NPTXR: variants seen among roughly 807,000 people sequenced by gnomAD.
NPTXR encodes neuronal pentraxin receptor.
In NPTXR, 12 loss-of-function variants were observed where a neutral mutation model predicts 32.2. The observed-to-expected ratio is 0.37, with a 90% CI of 0.24 to 0.60. NPTXR has a LOEUF of 0.60. Ranked by LOEUF, NPTXR falls within the 20% of genes least tolerant of loss-of-function variation. The probability of loss-of-function intolerance (pLI) is 0.66; values close to 1 mark genes in which losing one functional copy is unlikely to be tolerated. For synonymous variants in NPTXR, 323 were observed against 315.8 expected, an observed-to-expected ratio of 1.02 and a Z score of -0.24; for missense variants, 612 against 682.9, an observed-to-expected ratio of 0.90 and a Z score of 1.16.
intron 1 of NPTXR, among the ~76,000 whole-genome samples, chr22:38,840,637 G>A (rs5750687): frequency 0.4 from 60,933 of 151,814 alleles, 12,496 homozygotes; most frequent in East Asian, 0.66. Context: ...GGGGGCTGAT[G>A]GGACAACCAG....
In NPTXR at chr22:38,820,175, C is replaced by T. The variant is rs568781816; in HGVS notation, c.*2434G>A. ...GTGCCAGTATGATGAGACACTTGAC[C>T]CAGCACTTGGGTTGATGTCTTTGGC... On this transcript the variant is annotated 3_prime_UTR_variant, in exon 5 of 5. Coordinates refer to ENST00000333039, the MANE Select transcript of NPTXR (RefSeq NM_014293.4). The T allele has an allele frequency of 6.5e-6, 1 of 152,744 alleles. No individual in the cohort carries two copies. The highest frequency in any genetic ancestry group is 6.5e-5 in the Admixed American group (1 of 15,302). The allele number at this position is 152,744 out of a possible 1,614,324, so 9.5% of individuals were successfully genotyped here. A position where few individuals can be genotyped will look rare whatever the true frequency, so the allele number is the denominator to read the frequency against.
At chr22:38,828,948 G>A (rs893944518) in intron 1 of NPTXR, among the ~76,000 whole-genome samples, 9 of 152,240 alleles carry the variant, frequency 5.9e-5, no homozygotes, top group Non-Finnish European at 8.8e-5. Flanking sequence ...TCTCTAGAAC[G>A]GTCCTTGGCA....
intron 1 of NPTXR, among the ~76,000 whole-genome samples, chr22:38,836,418 G>A (rs2093124029): frequency 6.6e-6 from 1 of 152,224 alleles, no homozygotes. Flanking sequence ...ACACCACACG[G>A]CAATGAAAAC....
chr22:38,842,450 G>A (rs116620085), intron 1 of NPTXR, among the ~76,000 whole-genome samples: 5,113 of 152,316 alleles, frequency 0.034, 114 homozygotes, highest in East Asian at 0.078. Flanking sequence ...CTCCAGGGGG[G>A]AAATGACTGG....
intron 1 of NPTXR, among the ~76,000 whole-genome samples, chr22:38,837,093 C>T (rs1014128623): frequency 6.6e-6 from 1 of 152,214 alleles, no homozygotes; most frequent in South Asian, 2.1e-4. Flanking sequence ...GGATTACAGG[C>T]GTGAGCCACC....
chr22:38,822,607 C>T lies in NPTXR; in HGVS notation c.*2G>A, dbSNP rs2093099597. On this transcript the variant is annotated 3_prime_UTR_variant, in exon 5 of 5. Coordinates refer to ENST00000333039, the MANE Select transcript of NPTXR (RefSeq NM_014293.4). Reference sequence around the variant, plus strand: ...GGGAGGGGCCCTGGATGAGGTGGCCCCTCATGCCTTGGCCCTCCCCTTGCA... The same window carrying T: ...GGGAGGGGCCCTGGATGAGGTGGCCTCTCATGCCTTGGCCCTCCCCTTGCA... The T allele has an allele frequency of 6.2e-7, 1 of 1,604,346 alleles. No individual in the cohort carries two copies. Among genetic ancestry groups the T allele is most frequent in the South Asian group, 1.1e-5 (1 of 89,598 alleles).
intron 1 of NPTXR, among the ~76,000 whole-genome samples, chr22:38,837,723 G>A (rs1357057164): frequency 2.0e-5 from 3 of 152,108 alleles, no homozygotes; most frequent in African/African-American, 4.8e-5. Context: ...TCCTCCTCCC[G>A]CCTGTTTTAC....
intron 1 of NPTXR, among the ~76,000 whole-genome samples, chr22:38,831,004 G>A (rs1311179752): frequency 2.0e-5 from 3 of 152,246 alleles, no homozygotes; most frequent in Admixed American, 6.5e-5. Context: ...GAGCCTTACA[G>A]TGCACTCCCC....
chr22:38,828,202 C>T (rs2093110376), intron 2 of NPTXR, 85 bp downstream of exon 2: 4 of 1,105,460 alleles, frequency 3.6e-6, no homozygotes, highest in Admixed American at 1.8e-5. Context: ...TCGATGTTAG[C>T]CTCCGGGGAG....
Position 38,828,313 on chromosome 22 carries a change from T to C in NPTXR, c.824A>G (p.Gln275Arg), listed in dbSNP as rs779666889. The C allele has an allele frequency of 5.0e-6, 8 of 1,613,460 alleles. No homozygotes were observed. In the Admixed American group the frequency reaches 8.3e-5, roughly 17 times the overall value. ...GTGCTCCAGCTCAGCCACACGACCC[T>C]GCAGGACGTCCAACTCCTTTTCCAC... The change falls in exon 2 of 5, where the codon CAG becomes CGG. Residue 275 changes from glutamine (Q) to arginine (R), a missense_variant. By Grantham distance (43) the Gln-to-Arg change is conservative. Transcript: ENST00000333039.
At chr22:38,828,045 G>A (rs2093110015) in intron 2 of NPTXR, among the ~76,000 whole-genome samples, 1 of 152,180 alleles carries the variant, frequency 6.6e-6, no homozygotes, top group African/African-American at 2.4e-5. Flanking sequence ...GATTAAATCA[G>A]CTGATGTATC....
chr22:38,825,457 G>T (rs1038159813), intron 3 of NPTXR, among the ~76,000 whole-genome samples: 13 of 152,134 alleles, frequency 8.5e-5, no homozygotes, highest in Non-Finnish European at 1.6e-4. Context: ...TTAGCACAGT[G>T]CCCAGTATAA....
At chr22:38,838,480 C>A (rs1034560387) in intron 1 of NPTXR, among the ~76,000 whole-genome samples, 5 of 151,796 alleles carry the variant, frequency 3.3e-5, no homozygotes, top group Admixed American at 6.6e-5. Flanking sequence ...GCAGGACAAG[C>A]CTTGAGGACT....
intron 1 of NPTXR, among the ~76,000 whole-genome samples, chr22:38,838,898 C>T (rs916171907): frequency 6.6e-6 from 1 of 152,074 alleles, no homozygotes; most frequent in Non-Finnish European, 1.5e-5. Context: ...CTTTTCCATG[C>T]TCCCAAAGGT....
intron 1 of NPTXR, among the ~76,000 whole-genome samples, chr22:38,832,374 C>T (rs1043312425): frequency 6.6e-6 from 1 of 152,240 alleles, no homozygotes; most frequent in African/African-American, 2.4e-5. Context: ...CCACTCAGCT[C>T]CTGCTGGGGC....
chr22:38,824,636 G>T (rs1247503911), intron 3 of NPTXR, among the ~76,000 whole-genome samples: 1 of 152,192 alleles, frequency 6.6e-6, no homozygotes, highest in Non-Finnish European at 1.5e-5. Context: ...AGTCTGTTAG[G>T]CTGGCTCTCA....
intron 1 of NPTXR, among the ~76,000 whole-genome samples, chr22:38,829,628 G>A (rs1328176562): frequency 6.6e-6 from 1 of 152,160 alleles, no homozygotes; most frequent in African/African-American, 2.4e-5. Flanking sequence ...TGATGCTTGC[G>A]AACTCCCCAG....
intron 1 of NPTXR, among the ~76,000 whole-genome samples, chr22:38,838,896 T>C (rs1211879366): frequency 1.3e-5 from 2 of 152,146 alleles, no homozygotes; most frequent in Non-Finnish European, 1.5e-5. Flanking sequence ...GTCTTTTCCA[T>C]GCTCCCAAAG....
intron 1 of NPTXR, among the ~76,000 whole-genome samples, chr22:38,832,721 A>G (rs774872660): frequency 2.0e-5 from 3 of 152,188 alleles, no homozygotes; most frequent in Non-Finnish European, 4.4e-5. Flanking sequence ...CAGAGCCAGC[A>G]CTCCAGCCTG....
Sources: allele counts gnomAD v4.1 joint callset (sites outside exome capture counted in the v4.1 genomes callset), GRCh38; gene constraint gnomAD v4.1.1; transcripts MANE v1.5; gene names NCBI Gene and HGNC (gene_info 2026-07-23, HGNC 2026-07-21).